The following DPP10 variants were observed in gnomAD, a reference collection of about 807,000 sequenced individuals.
DPP10 encodes dipeptidyl peptidase like 10, also known as inactive dipeptidyl peptidase 10.
Under a neutral mutation model 120.9 loss-of-function variants are expected in DPP10, and 33 were observed. That is an observed-to-expected ratio of 0.27 (90% CI 0.21 to 0.37). The LOEUF (loss-of-function observed/expected upper bound fraction) is 0.37. DPP10 is among the 10% of genes least tolerant of loss of function. The pLI is 1.00. For synonymous variants in DPP10, 337 were observed against 326.1 expected (o/e 1.03, Z -0.36); for missense variants, 816 against 942.8 (o/e 0.87, Z 1.76).
intron 3 of DPP10, among the ~76,000 whole-genome samples, chr2:115,373,727 A>G (rs574833283): frequency 4.6e-5 from 7 of 152,092 alleles, no homozygotes; most frequent in Middle Eastern, 3.4e-3. Context: ...TGTTGCTACA[A>G]ATAACCACCT....
chr2:114,810,196 G>T (rs983511024), intron 1 of DPP10, among the ~76,000 whole-genome samples: 1 of 152,074 alleles, frequency 6.6e-6, no homozygotes. Flanking sequence ...CTGAACTCTT[G>T]GTTTACTTTA....
intron 1 of DPP10, among the ~76,000 whole-genome samples, chr2:114,505,520 G>C (rs28481499): frequency 0.031 from 4,766 of 151,790 alleles, 251 homozygotes; most frequent in African/African-American, 0.11. Flanking sequence ...ACCCCTTCCT[G>C]CATCTGCTGT....
At chr2:115,010,623 C>A (rs1407275483) in intron 1 of DPP10, among the ~76,000 whole-genome samples, 3 of 152,052 alleles carry the variant, frequency 2.0e-5, no homozygotes, top group Non-Finnish European at 4.4e-5. Flanking sequence ...CTAAGTAGCT[C>A]AACTGCTGTG....
At chr2:115,517,833 A>T (rs1376289694) in intron 4 of DPP10, among the ~76,000 whole-genome samples, 3 of 152,164 alleles carry the variant, frequency 2.0e-5, no homozygotes, top group African/African-American at 7.2e-5. Context: ...TGTCTTATCT[A>T]CTAGTTCATT....
chr2:114,710,870 A>G (rs1266404552), intron 1 of DPP10, among the ~76,000 whole-genome samples: 2 of 152,248 alleles, frequency 1.3e-5, no homozygotes, highest in Non-Finnish European at 2.9e-5. Context: ...GAAGATACAG[A>G]CAAGGGTTGT....
At chr2:114,790,669 G>A (rs1334816306) in intron 1 of DPP10, among the ~76,000 whole-genome samples, 1 of 152,062 alleles carries the variant, frequency 6.6e-6, no homozygotes, top group Admixed American at 6.6e-5. Context: ...GGGCAGGAGT[G>A]GGGGTTCGCA....
rs530154834 is a variant in DPP10, at chr2:114,925,746, A to G, written c.61-383493A>G. On this transcript the variant is annotated intron_variant, in intron 1 of 25. Transcript: ENST00000410059. ...GCCCTGTAGCTGTGTGTGAATGTGT[A>G]CGTGCAGGGATATGGACTGTAGACC... 4.3e-4 allele frequency among the ~76,000 whole-genome samples: 66 copies of G among 152,290 alleles called. 1 individual carries two copies. In the South Asian group the frequency reaches 7.1e-3, roughly 16 times the overall value.
intron 1 of DPP10, among the ~76,000 whole-genome samples, chr2:115,043,304 GA>G (rs1704807890): frequency 6.6e-6 from 1 of 152,082 alleles, no homozygotes; most frequent in Non-Finnish European, 1.5e-5. Context: ...AATCAATCTC[GA>G]AAAGGTCAGT....
chr2:114,505,189 G>A (rs1683540944), intron 1 of DPP10, among the ~76,000 whole-genome samples: 1 of 149,594 alleles, frequency 6.7e-6, no homozygotes, highest in Non-Finnish European at 1.5e-5. Flanking sequence ...TAGACCCAAA[G>A]AAGTGACCAA....
At chr2:114,451,101 T>TG (rs1436812266) in intron 1 of DPP10, among the ~76,000 whole-genome samples, 1 of 151,986 alleles carries the variant, frequency 6.6e-6, no homozygotes, top group Non-Finnish European at 1.5e-5. Flanking sequence ...TTGATTTTTT[T>TG]TTTTGATTCA....
At chr2:115,695,434 G>A (rs558227938) in intron 7 of DPP10, among the ~76,000 whole-genome samples, 1 of 152,220 alleles carries the variant, frequency 6.6e-6, no homozygotes, top group Admixed American at 6.5e-5. Context: ...CACATGGCTG[G>A]GGAGGCCTCA....
At chr2:115,345,016 AG>A (rs2063639999) in intron 3 of DPP10, among the ~76,000 whole-genome samples, 1 of 152,202 alleles carries the variant, frequency 6.6e-6, no homozygotes, top group Admixed American at 6.5e-5. Context: ...TTAACCCATG[AG>A]GGCAAAGGCC....
chr2:115,374,236 GTTAC>G (rs2065621897), intron 3 of DPP10, among the ~76,000 whole-genome samples: 1 of 152,170 alleles, frequency 6.6e-6, no homozygotes, highest in Non-Finnish European at 1.5e-5. Flanking sequence ...CCACCTAGGA[GTTAC>G]TTCTAAGATA....
At chr2:115,368,429 G>T (rs1190011813) in intron 3 of DPP10, among the ~76,000 whole-genome samples, 1 of 152,056 alleles carries the variant, frequency 6.6e-6, no homozygotes, top group Non-Finnish European at 1.5e-5. Context: ...ACAAATGTAA[G>T]ATTCAGTATT....
At chr2:114,556,501 GTAAA>G (rs1573644356) in intron 1 of DPP10, among the ~76,000 whole-genome samples, 1 of 151,928 alleles carries the variant, frequency 6.6e-6, no homozygotes, top group African/African-American at 2.4e-5. Context: ...GAGGACACAA[GTAAA>G]TAAATAGCTC....
chr2:115,587,986 G>A (rs114818949), intron 5 of DPP10, among the ~76,000 whole-genome samples: 1 of 152,102 alleles, frequency 6.6e-6, no homozygotes, highest in African/African-American at 2.4e-5. Context: ...ATTTATTGTA[G>A]TTGGTCATAT....
At chr2:114,847,069 T>C (rs1444262582) in intron 1 of DPP10, among the ~76,000 whole-genome samples, 1 of 152,104 alleles carries the variant, frequency 6.6e-6, no homozygotes, top group Non-Finnish European at 1.5e-5. Context: ...TATCATATCA[T>C]ATCATATCAT....
intron 1 of DPP10, among the ~76,000 whole-genome samples, chr2:114,557,088 ATAAAT>A (rs1271394384): frequency 1.3e-5 from 2 of 152,044 alleles, no homozygotes; most frequent in Non-Finnish European, 2.9e-5. Context: ...AAGAGTTAAA[ATAAAT>A]TATAGAACAA....
intron 1 of DPP10, among the ~76,000 whole-genome samples, chr2:115,142,758 A>G (rs753028370): frequency 5.9e-5 from 9 of 152,184 alleles, no homozygotes; most frequent in Non-Finnish European, 1.0e-4. Flanking sequence ...ACCAGGAGGA[A>G]GAGACAGCTA....
Sources: allele counts gnomAD v4.1 joint callset (sites outside exome capture counted in the v4.1 genomes callset), GRCh38; gene constraint gnomAD v4.1.1; transcripts MANE v1.5; gene names NCBI Gene and HGNC (gene_info 2026-07-23, HGNC 2026-07-21).